FMO1: variants seen among roughly 807,000 people sequenced by gnomAD.
FMO1 encodes flavin-containing monooxygenase 1.
Under a neutral mutation model 45.4 loss-of-function variants are expected in FMO1, and 36 were observed. The ratio of observed to expected loss-of-function variants is 0.79; its 90% confidence interval spans 0.61 to 1.05. The LOEUF (loss-of-function observed/expected upper bound fraction) is 1.05. Among genes scored for constraint, FMO1 ranks in the 50% least tolerant of loss-of-function variants. The pLI, the probability that FMO1 is intolerant of heterozygous loss-of-function variation, is 0.00. For synonymous variants in FMO1, 228 were observed against 227.2 expected (o/e 1.00, Z -0.03); for missense variants, 615 against 640.3 (o/e 0.96, Z 0.43).
intron 6 of FMO1, among the ~76,000 whole-genome samples, chr1:171,281,725 A>G (rs1467083466): frequency 6.6e-6 from 1 of 152,214 alleles, no homozygotes; most frequent in Non-Finnish European, 1.5e-5. Flanking sequence ...AAAATCAGCA[A>G]GAGAAACAGA....
chr1:171,260,151 T>C (rs1660316980), intron 2 of FMO1, among the ~76,000 whole-genome samples: 1 of 152,130 alleles, frequency 6.6e-6, no homozygotes, highest in Admixed American at 6.6e-5. Flanking sequence ...GTGCATAAGG[T>C]ACACGTAAGA....
chr1:171,251,893 T>A (rs1447216733), intron 1 of FMO1: 2 of 151,926 alleles, frequency 1.3e-5, no homozygotes, highest in Non-Finnish European at 2.9e-5. Flanking sequence ...TTCCCGCAGC[T>A]GGTGCCCCCT....
rs1302547242 is a variant in FMO1, at chr1:171,285,822, C to G, written c.*278C>G. ...AAAGAAAGCTGTTCTTGACAGCACTCTGAGCCATCATACCTCTTTCCCATA... is the reference window on the plus strand; with the variant it reads ...AAAGAAAGCTGTTCTTGACAGCACTGTGAGCCATCATACCTCTTTCCCATA... On this transcript the variant is annotated 3_prime_UTR_variant, in exon 9 of 9. Transcript: ENST00000617670. The G allele has an allele frequency of 3.6e-6, 1 of 280,210 alleles. No individual in the cohort carries two copies. The highest frequency in any genetic ancestry group is 6.6e-6 in the Non-Finnish European group (1 of 152,102). The allele number at this position is 280,210 out of a possible 1,614,324, so 17.4% of individuals were successfully genotyped here.
At position 171,264,482 on chromosome 1, in the gene FMO1, G is replaced by C. The variant is rs1660522548; in HGVS notation, c.133-3061G>C. Among the ~76,000 whole-genome samples, 4 of 151,808 alleles carry C rather than the reference G, an allele frequency of 2.6e-5. No individual in the cohort carries two copies. The South Asian group carries it at 8.3e-4, about 32-fold the overall frequency. On this transcript the variant is annotated intron_variant, in intron 2 of 8. Coordinates refer to ENST00000617670, the MANE Select transcript of FMO1 (RefSeq NM_001282693.2). Reference sequence around the variant, plus strand: ...TTTTTACTTTTTTAATGGGGCCACTGGTAAATTCAAAAGTGTTTATGTGGC... The same window carrying C: ...TTTTTACTTTTTTAATGGGGCCACTCGTAAATTCAAAAGTGTTTATGTGGC...
At chr1:171,257,724 C>A in intron 1 of FMO1, 1 of 269,968 alleles carries the variant, frequency 3.7e-6, no homozygotes, top group Non-Finnish European at 7.2e-6. Context: ...TCCTAGTCTG[C>A]TGATCTATGC....
intron 2 of FMO1, among the ~76,000 whole-genome samples, chr1:171,266,446 G>A (rs531496865): frequency 1.1e-4 from 17 of 152,212 alleles, no homozygotes; most frequent in South Asian, 4.1e-4. Flanking sequence ...GTCATCTTTC[G>A]CAAGCATTTT....
chr1:171,249,163 T>C (rs571848207), intron 1 of FMO1, among the ~76,000 whole-genome samples: 2 of 152,104 alleles, frequency 1.3e-5, no homozygotes, highest in Admixed American at 1.3e-4. Flanking sequence ...TCATTCTATG[T>C]ATTATGTCAA....
rs1660672542 is a variant in FMO1 at position 171,267,641 on chromosome 1, T to C, written c.231T>C (p.Asp77=). The change falls in exon 3 of 9, where the codon GAT becomes GAC. Residue 77 remains aspartate (D), a synonymous_variant. Coordinates refer to ENST00000617670, the MANE Select transcript of FMO1 (RefSeq NM_001282693.2). ...ACTCAGACTTTCCATTCCCAGAAGA[T>C]TATCCAAACTATGTGCCAAATTCTC... ...SCYSDFPFPE[D]YPNYVPNSQF... is the part of the protein sequence containing the mutation. The C allele has an allele frequency of 6.2e-7, 1 of 1,614,050 alleles. No individual in the cohort carries two copies. The highest frequency in any genetic ancestry group is 2.2e-5 in the East Asian group (1 of 44,886).
intron 2 of FMO1, 124 bp downstream of exon 2, chr1:171,258,343 A>AG: frequency 8.5e-7 from 1 of 1,182,146 alleles, no homozygotes; most frequent in South Asian, 1.5e-5. Context: ...TCTGCTGAAC[A>AG]GGGGACCATG....
chr1:171,257,274 C>T (rs1347028853), intron 1 of FMO1, among the ~76,000 whole-genome samples: 1 of 152,078 alleles, frequency 6.6e-6, no homozygotes, highest in Non-Finnish European at 1.5e-5. Context: ...CACTCTGTTG[C>T]CTCTCGGTGT....
intron 1 of FMO1, among the ~76,000 whole-genome samples, chr1:171,254,299 C>T (rs1441754518): frequency 6.6e-6 from 1 of 152,092 alleles, no homozygotes; most frequent in African/African-American, 2.4e-5. Flanking sequence ...CCATGTTGGC[C>T]AGCTGGTTTC....
At chr1:171,275,869 T>C (rs968404375) in intron 4 of FMO1, among the ~76,000 whole-genome samples, 9 of 152,094 alleles carry the variant, frequency 5.9e-5, no homozygotes. Context: ...ATTGCCAAAG[T>C]TGAGTTTAGA....
At chr1:171,253,842 T>C (rs1214979426) in intron 1 of FMO1, 3 of 152,120 alleles carry the variant, frequency 2.0e-5, no homozygotes, top group Non-Finnish European at 4.4e-5. Flanking sequence ...CCAGCTGAGG[T>C]ATGGTGGTGG....
rs1017787412 is a variant in FMO1, at chr1:171,254,943, C to T, written c.-6-3139C>T. Among the ~76,000 whole-genome samples, 6 of 152,200 alleles carry T rather than the reference C, an allele frequency of 3.9e-5. No homozygotes were observed. In the East Asian group the frequency reaches 5.8e-4, roughly 15 times the overall value. On this transcript the variant is annotated intron_variant, in intron 1 of 8. Transcript: ENST00000617670. Reference sequence around the variant, plus strand: ...AGAATCTTGTAATTATAGATTTTCACGTCTCACTTCCCTACCAGACTGATT... The same window carrying T: ...AGAATCTTGTAATTATAGATTTTCATGTCTCACTTCCCTACCAGACTGATT...
intron 1 of FMO1, among the ~76,000 whole-genome samples, chr1:171,249,864 C>T (rs1462228660): frequency 6.6e-6 from 1 of 152,102 alleles, no homozygotes; most frequent in Non-Finnish European, 1.5e-5. Flanking sequence ...CTAATTGATA[C>T]AATGCTAGCC....
At chr1:171,279,900 C>T (rs181577756) in intron 5 of FMO1, among the ~76,000 whole-genome samples, 7 of 152,272 alleles carry the variant, frequency 4.6e-5, no homozygotes, top group East Asian at 1.9e-4. Context: ...CCTTTGCTCA[C>T]GCTACCCCTC....
At chr1:171,279,173 G>T (rs1661251495) in intron 5 of FMO1, among the ~76,000 whole-genome samples, 1 of 150,322 alleles carries the variant, frequency 6.7e-6, no homozygotes, top group Non-Finnish European at 1.5e-5. Flanking sequence ...CCATAGGTCA[G>T]AAAATTCTAC....
intron 1 of FMO1, among the ~76,000 whole-genome samples, chr1:171,252,128 CTT>C (rs779273938): frequency 2.2e-4 from 34 of 152,154 alleles, no homozygotes; most frequent in Non-Finnish European, 4.4e-4. Flanking sequence ...GGAGACAAAA[CTT>C]TTTCTGAAGA....
At chr1:171,272,858 A>G (rs1327021626) in intron 3 of FMO1, among the ~76,000 whole-genome samples, 3 of 152,138 alleles carry the variant, frequency 2.0e-5, no homozygotes, top group Non-Finnish European at 2.9e-5. Flanking sequence ...GAGACTTTGG[A>G]CTGTGGACTT....
Sources: gnomAD v4.1 joint callset for allele counts (sites outside exome capture counted in the v4.1 genomes callset) on GRCh38, gnomAD v4.1.1 for gene constraint, MANE v1.5 for transcripts, NCBI Gene and HGNC (gene_info 2026-07-23, HGNC 2026-07-21) for gene names.